The following C12orf42 variants were observed in gnomAD, a reference collection of about 807,000 sequenced individuals.
C12orf42 encodes the protein uncharacterized protein C12orf42.
C12orf42 carries 25 observed loss-of-function variants against 21.6 expected under a neutral mutation model. The observed-to-expected ratio is 1.16, with a 90% CI of 0.84 to 1.62. The LOEUF is 1.62. Ranked by LOEUF, C12orf42 falls within the 40% of genes most tolerant of loss-of-function variation. The pLI, the probability that C12orf42 is intolerant of heterozygous loss-of-function variation, is 0.00. For synonymous variants in C12orf42, 174 were observed against 175.0 expected, an observed-to-expected ratio of 0.99 and a Z score of 0.05; for missense variants, 483 against 459.3, an observed-to-expected ratio of 1.05 and a Z score of -0.47.
chr12:103,150,919 A>G, the C12orf42 span, among the ~76,000 whole-genome samples: 1 of 152,172 alleles, frequency 6.6e-6, no homozygotes, highest in African/African-American at 2.4e-5. Flanking sequence ...TTTCCTCAGC[A>G]TCAATTAAAA....
chr12:103,309,958 G>A (rs2038801003), intron 4 of C12orf42, among the ~76,000 whole-genome samples: 1 of 152,236 alleles, frequency 6.6e-6, no homozygotes, highest in Admixed American at 6.5e-5. Flanking sequence ...GGGGTGATAT[G>A]TCCCAGTATA....
downstream of C12orf42, among the ~76,000 whole-genome samples, chr12:103,297,168 G>A (rs1375913235): frequency 1.3e-5 from 2 of 152,178 alleles, no homozygotes; most frequent in Non-Finnish European, 2.9e-5. Flanking sequence ...TCAGATGGCT[G>A]TAGATGTGTG....
chr12:103,446,462 G>T (rs532170346), intron 2 of C12orf42, among the ~76,000 whole-genome samples: 2 of 151,834 alleles, frequency 1.3e-5, no homozygotes, highest in African/African-American at 2.4e-5. Flanking sequence ...TTTAAAAAAG[G>T]TATTCAGGCA....
chr12:103,480,417 T>C (rs1050811316), intron 1 of C12orf42, among the ~76,000 whole-genome samples: 5 of 151,718 alleles, frequency 3.3e-5, no homozygotes, highest in African/African-American at 1.2e-4. Flanking sequence ...TCTTTTTATA[T>C]GTTTATTTTC....
the C12orf42 span, among the ~76,000 whole-genome samples, chr12:103,553,150 G>A: frequency 4.6e-5 from 7 of 152,102 alleles, no homozygotes; most frequent in Non-Finnish European, 1.0e-4. Flanking sequence ...TTAAACATTT[G>A]TAGCCTCCAT....
chr12:103,527,424 G>T, the C12orf42 span, among the ~76,000 whole-genome samples: 4 of 152,146 alleles, frequency 2.6e-5, no homozygotes, highest in Admixed American at 6.5e-5. Flanking sequence ...TCATGGAGAT[G>T]GACCCCTCAT....
At chr12:103,405,347 C>T (rs984943156) in intron 2 of C12orf42, among the ~76,000 whole-genome samples, 2 of 152,042 alleles carry the variant, frequency 1.3e-5, no homozygotes, top group African/African-American at 2.4e-5. Flanking sequence ...GAATTTTAAC[C>T]CTATAATATA....
the C12orf42 span, among the ~76,000 whole-genome samples, chr12:103,133,758 G>A: frequency 6.6e-6 from 1 of 152,186 alleles, no homozygotes; most frequent in Non-Finnish European, 1.5e-5. Context: ...ACGTGTGGTG[G>A]AAGGGATGCT....
chr12:103,555,194 A>G, the C12orf42 span, among the ~76,000 whole-genome samples: 2 of 152,172 alleles, frequency 1.3e-5, no homozygotes, highest in Admixed American at 1.3e-4. Context: ...AGACATATCC[A>G]AGACTGGGGG....
the C12orf42 span, among the ~76,000 whole-genome samples, chr12:103,225,180 G>A: frequency 6.6e-6 from 1 of 152,184 alleles, no homozygotes. Flanking sequence ...ATGGAATAGT[G>A]AGTTGTGGAG....
chr12:103,438,815 G>A (rs1950956408), intron 2 of C12orf42, among the ~76,000 whole-genome samples: 1 of 151,244 alleles, frequency 6.6e-6, no homozygotes, highest in East Asian at 1.9e-4. Context: ...TCAATATCGT[G>A]AAAATGGCCA....
At chr12:103,151,628 T>C in the C12orf42 span, among the ~76,000 whole-genome samples, 2 of 151,756 alleles carry the variant, frequency 1.3e-5, no homozygotes, top group South Asian at 2.1e-4. Context: ...TCAATGTAAA[T>C]CACACAAAAA....
chr12:103,072,381 T>G, the C12orf42 span, among the ~76,000 whole-genome samples: 7 of 152,180 alleles, frequency 4.6e-5, no homozygotes, highest in East Asian at 9.6e-4. Flanking sequence ...ATACCATCTA[T>G]TCTCATTAAT....
At chr12:103,519,636 G>GA in the C12orf42 span, among the ~76,000 whole-genome samples, 6 of 152,122 alleles carry the variant, frequency 3.9e-5, no homozygotes, top group South Asian at 2.1e-4. Flanking sequence ...GGCCCATACA[G>GA]AAAAAAACAT....
chr12:103,543,967 C>T, the C12orf42 span, among the ~76,000 whole-genome samples: 7 of 151,022 alleles, frequency 4.6e-5, no homozygotes, highest in Admixed American at 4.0e-4. Context: ...GATCTCAGCT[C>T]ACTGCAAGTT....
chr12:103,177,246 T>G, the C12orf42 span, among the ~76,000 whole-genome samples: 1 of 152,218 alleles, frequency 6.6e-6, no homozygotes, highest in African/African-American at 2.4e-5. Context: ...TCTCAGCTTC[T>G]GACACAATGG....
intron 4 of C12orf42, among the ~76,000 whole-genome samples, chr12:103,320,665 G>A (rs992141853): frequency 6.6e-6 from 1 of 152,010 alleles, no homozygotes; most frequent in Non-Finnish European, 1.5e-5. Flanking sequence ...TTCAATATTA[G>A]AGATATGGGG....
intron 2 of C12orf42, among the ~76,000 whole-genome samples, chr12:103,466,675 T>G (rs1953160296): frequency 6.6e-6 from 1 of 152,162 alleles, no homozygotes; most frequent in African/African-American, 2.4e-5. Context: ...CTGATTGCAT[T>G]TAGGGCTGGA....
At chr12:103,104,078 A>C in the C12orf42 span, among the ~76,000 whole-genome samples, 1 of 152,252 alleles carries the variant, frequency 6.6e-6, no homozygotes, top group African/African-American at 2.4e-5. Flanking sequence ...AATGCATTTT[A>C]AATGAGAAAA....
Sources: allele counts gnomAD v4.1 joint callset (sites outside exome capture counted in the v4.1 genomes callset), GRCh38; gene constraint gnomAD v4.1.1; transcripts MANE v1.5; gene names NCBI Gene and HGNC (gene_info 2026-07-23, HGNC 2026-07-21).